NUDT16: variants seen among roughly 807,000 people sequenced by gnomAD.
The protein encoded by NUDT16 is U8 snoRNA-decapping enzyme.
In NUDT16, 12 loss-of-function variants were observed where a neutral mutation model predicts 11.7. The ratio of observed to expected loss-of-function variants is 1.03; its 90% CI spans 0.66 to 1.67. NUDT16 has a LOEUF of 1.67. Ranked by LOEUF, NUDT16 falls within the 40% of genes most tolerant of loss-of-function variation. The pLI is 0.00. For missense variants in NUDT16, 303 were observed against 268.9 expected, an observed-to-expected ratio of 1.13 and a Z score of -0.89; for synonymous variants, 129 against 122.6, an observed-to-expected ratio of 1.05 and a Z score of -0.35.
At chr3:131,382,657 A>G in intron 2 of NUDT16, 1 of 1,452,064 alleles carries the variant, frequency 6.9e-7, no homozygotes, top group South Asian at 1.4e-5. Flanking sequence ...TTTCTTGTGT[A>G]GGAGATGTGG....
In NUDT16 at chr3:131,383,932, T is replaced by G. The variant is rs16836573; in HGVS notation, c.*591T>G. On this transcript the variant is annotated 3_prime_UTR_variant, in exon 3 of 3. Transcript: ENST00000521288. This position sits in a 1 kb window ranked among gnomAD's most constrained non-coding sequence, Gnocchi z 4.4. ...CCCAACCAATCCCCAATCCTTTTCT[T>G]CTGAAACTGAGCAGGAAGGGTAAGG... 0.017 allele frequency: 2,940 copies of G among 169,810 alleles called. 44 individuals are homozygous for G. Among genetic ancestry groups the G allele is most frequent in the East Asian group, 0.079 (464 of 5,908 alleles). The allele number at this position is 169,810 out of a possible 1,614,324, so 10.5% of individuals were successfully genotyped here. A position where few individuals can be genotyped will look rare whatever the true frequency, so the allele number is the denominator to read the frequency against.
intron 2 of NUDT16, chr3:131,382,682 G>A (rs1332633603): frequency 6.9e-7 from 1 of 1,439,166 alleles, no homozygotes; most frequent in African/African-American, 1.4e-5. Flanking sequence ...GATATTTCAG[G>A]CAGGGCTAGT....
rs2097460111 is a variant in NUDT16, at chr3:131,386,667, A to ATT, written c.*3326_*3327insTT. 1 of 152,230 alleles carries ATT rather than the reference A, an allele frequency of 6.6e-6. No individual in the cohort carries two copies. Among genetic ancestry groups the ATT allele is most frequent in the African/African-American group, 2.4e-5 (1 of 41,440 alleles). The allele number at this position is 152,230 out of a possible 1,614,324, so 9.4% of individuals were successfully genotyped here. A position where few individuals can be genotyped will look rare whatever the true frequency, so the allele number is the denominator to read the frequency against. On this transcript the variant is annotated 3_prime_UTR_variant, in exon 3 of 3. Transcript: ENST00000521288. ...ACAAACACGTGTTTCTGCCTTTCTC[A>ATT]GCATAATCAGCAAGATGTTCCCACT...
upstream of NUDT16, chr3:131,381,706 T>C: frequency 7.6e-7 from 1 of 1,311,330 alleles, no homozygotes; most frequent in Non-Finnish European, 1.0e-6. Context: ...CCTGCAGGGA[T>C]TGGGCCTTGC....
Position 131,383,331 on chromosome 3 carries a change from C to T in NUDT16, c.578C>T (p.Ala193Val). Residue 193 changes from alanine (A) to valine (V), a missense_variant, in exon 3 of 3, where the codon GCT (alanine) becomes GTT (valine). Ala to Val is a moderately conservative substitution (Grantham distance 64, BLOSUM62 0). Coordinates refer to ENST00000521288, the MANE Select transcript of NUDT16 (RefSeq NM_152395.3). This position sits in a 1 kb window ranked among gnomAD's most constrained non-coding sequence, Gnocchi z 4.4. ...SGSISGLKIP[A>V]HH The stretch of plus-strand genomic sequence containing the variant: ...TCTATTTCAGGCCTTAAGATTCCAG[C>T]TCATCACTAGAGGCAGCCCTCCATG... 4 of 1,614,112 alleles carry T rather than the reference C, an allele frequency of 2.5e-6. No homozygotes were observed. Among genetic ancestry groups the T allele is most frequent in the South Asian group, 1.1e-5 (1 of 91,076 alleles).
At position 131,384,591 on chromosome 3, in the gene NUDT16, G is replaced by C. The variant is rs765100482; in HGVS notation, c.*1250G>C. On this transcript the variant is annotated 3_prime_UTR_variant, in exon 3 of 3. Transcript: ENST00000521288. ...AAAGAGGAGGACCCCTGAAGGAGCA[G>C]AGTCCATGAGAAAGAAGGAGGGATG... is the stretch of plus-strand genomic sequence containing the variant. 6.6e-6 allele frequency: 1 copy of C among 152,262 alleles called. No homozygotes were observed. Among genetic ancestry groups the C allele is most frequent in the African/African-American group, 2.4e-5 (1 of 41,426 alleles). The allele number at this position is 152,262 out of a possible 1,614,324, so 9.4% of individuals were successfully genotyped here. A position where few individuals can be genotyped will look rare whatever the true frequency, so the allele number is the denominator to read the frequency against.
rs2097458880 is a variant in NUDT16, at chr3:131,384,690, G to T, written c.*1349G>T. ...AAAACAGAAAGGGGCAAGTATAGAAGATTAGGATGACTAAATTAATGGGGA... is the reference window on the plus strand; with the variant it reads ...AAAACAGAAAGGGGCAAGTATAGAATATTAGGATGACTAAATTAATGGGGA... On this transcript the variant is annotated 3_prime_UTR_variant, in exon 3 of 3. Coordinates refer to ENST00000521288, the MANE Select transcript of NUDT16 (RefSeq NM_152395.3). 6.6e-6 allele frequency: 1 copy of T among 152,214 alleles called. No individual in the cohort carries two copies. Among genetic ancestry groups the T allele is most frequent in the African/African-American group, 2.4e-5 (1 of 41,442 alleles). 9.4% of individuals were successfully genotyped at this position (152,214 alleles called of 1,614,324 possible). A position where few individuals can be genotyped will look rare whatever the true frequency, so the allele number is the denominator to read the frequency against.
At chr3:131,382,021 CA>C (rs2097455731) in intron 1 of NUDT16, 24 bp from the exon 2 acceptor site, 1 of 1,577,204 alleles carries the variant, frequency 6.3e-7, no homozygotes, top group African/African-American at 1.4e-5. Context: ...GCGCCCCTGC[CA>C]ATCCCCGCTT....
rs576056720 is a variant in NUDT16 at position 131,383,512 on chromosome 3, T to C, written c.*171T>C. On this transcript the variant is annotated 3_prime_UTR_variant, in exon 3 of 3. Coordinates refer to ENST00000521288, the MANE Select transcript of NUDT16 (RefSeq NM_152395.3). This position sits in a 1 kb window ranked among gnomAD's most constrained non-coding sequence, Gnocchi z 4.4. Reference sequence around the variant, plus strand: ...TTTGAGCAGAGGACCCTCCAACTTATGGCATCAGGGGCAAAAAGTCACAGC... The same window carrying C: ...TTTGAGCAGAGGACCCTCCAACTTACGGCATCAGGGGCAAAAAGTCACAGC... The C allele has an allele frequency of 1.7e-5, 25 of 1,459,018 alleles. 1 individual carries two copies. The East Asian group carries it at 3.2e-4, about 19-fold the overall frequency. 90.4% of individuals were successfully genotyped at this position (1,459,018 alleles called of 1,614,324 possible).
intron 2 of NUDT16, 177 bp from the exon 3 acceptor site, chr3:131,382,985 A>G (rs1269376050): frequency 2.9e-6 from 2 of 680,492 alleles, no homozygotes; most frequent in Admixed American, 5.8e-5. Context: ...GCTAGATAAT[A>G]TGTTTTGGGT....
chr3:131,381,687 C>G (rs549295657), upstream of NUDT16: 80 of 1,173,074 alleles, frequency 6.8e-5, no homozygotes, highest in South Asian at 1.1e-3. Context: ...CTAGGTTCCT[C>G]CCCTTATCCC....
chr3:131,382,961 GATTA>G (rs2097457025), intron 2 of NUDT16, 197 bp from the exon 3 acceptor site: 1 of 635,056 alleles, frequency 1.6e-6, no homozygotes, highest in South Asian at 2.2e-5. Context: ...ATGTGGGAAA[GATTA>G]ATTGATAGAG....
Position 131,381,845 on chromosome 3 carries a change from C to G in NUDT16, c.41C>G (p.Ala14Gly). 6.3e-7 allele frequency: 1 copy of G among 1,594,790 alleles called. No homozygotes were observed. The highest frequency in any genetic ancestry group is 8.5e-7 in the Non-Finnish European group (1 of 1,175,818). ...ARRLELGEAL[A>G]LGSGWRHACH... ...AGGCTGGAGCTAGGCGAGGCCCTGGCGCTGGGGTCGGGCTGGCGTCATGCG... is the reference window on the plus strand; with the variant it reads ...AGGCTGGAGCTAGGCGAGGCCCTGGGGCTGGGGTCGGGCTGGCGTCATGCG... The change falls in exon 1 of 3, where the codon GCG becomes GGG. Residue 14 changes from alanine (A) to glycine (G), a missense_variant. Coordinates refer to ENST00000521288, the MANE Select transcript of NUDT16 (RefSeq NM_152395.3).
chr3:131,383,218 G>C lies in NUDT16; in HGVS notation c.465G>C (p.Leu155=). 2 of 1,614,026 alleles carry C rather than the reference G, an allele frequency of 1.2e-6. No individual in the cohort carries two copies. Among genetic ancestry groups the C allele is most frequent in the Non-Finnish European group, 1.7e-6 (2 of 1,180,030 alleles). Residue 155 remains leucine, a synonymous_variant, in exon 3 of 3, where the codon CTG becomes CTC. Transcript: ENST00000521288. This position sits in a 1 kb window ranked among gnomAD's most constrained non-coding sequence, Gnocchi z 4.4. ...LYTLRDGVGG[L]PTFLENSFIG... ...CCCTGCGGGATGGTGTAGGAGGCCT[G>C]CCTACCTTCCTGGAGAATTCCTTTA...
chr3:131,382,695 A>G, intron 2 of NUDT16: 1 of 1,431,776 alleles, frequency 7.0e-7, no homozygotes, highest in Non-Finnish European at 9.1e-7. Flanking sequence ...GGGCTAGTAG[A>G]TAGATTATGT....
At position 131,388,564 on chromosome 3, in the gene NUDT16, T is replaced by C. The variant is rs1582670856; in HGVS notation, c.*5223T>C. On this transcript the variant is annotated 3_prime_UTR_variant, in exon 3 of 3. Coordinates refer to ENST00000521288, the MANE Select transcript of NUDT16 (RefSeq NM_152395.3). Reference sequence around the variant, plus strand: ...TGACGTTTAAGTGCAAAAGCATGGATATTACTCATGCAGTTTTACTGGAAA... The same window carrying C: ...TGACGTTTAAGTGCAAAAGCATGGACATTACTCATGCAGTTTTACTGGAAA... The C allele has an allele frequency of 6.6e-6, 1 of 152,352 alleles. No homozygotes were observed. The highest frequency in any genetic ancestry group is 1.5e-5 in the Non-Finnish European group (1 of 68,036). The allele number at this position is 152,352 out of a possible 1,614,324, so 9.4% of individuals were successfully genotyped here. A position where few individuals can be genotyped will look rare whatever the true frequency, so the allele number is the denominator to read the frequency against.
chr3:131,387,444 A>T lies in NUDT16; in HGVS notation c.*4103A>T, dbSNP rs1298734825. ...TTTGGGAAGGACATAAAACAAGAAA[A>T]GGAAGCTCCTCACCAACAGCTCCCA... On this transcript the variant is annotated 3_prime_UTR_variant, in exon 3 of 3. Coordinates refer to ENST00000521288, the MANE Select transcript of NUDT16 (RefSeq NM_152395.3). The T allele has an allele frequency of 6.6e-6, 1 of 152,250 alleles. No individual in the cohort carries two copies. The highest frequency in any genetic ancestry group is 1.5e-5 in the Non-Finnish European group (1 of 68,062). 9.4% of individuals were successfully genotyped at this position (152,250 alleles called of 1,614,324 possible). A position where few individuals can be genotyped will look rare whatever the true frequency, so the allele number is the denominator to read the frequency against.
In NUDT16 at chr3:131,387,201, C is replaced by A. The variant is rs1232336651; in HGVS notation, c.*3860C>A. 2.6e-5 allele frequency: 4 copies of A among 152,152 alleles called. No homozygotes were observed. Among genetic ancestry groups the A allele is most frequent in the Non-Finnish European group, 5.9e-5 (4 of 68,108 alleles). The allele number at this position is 152,152 out of a possible 1,614,324, so 9.4% of individuals were successfully genotyped here. A position where few individuals can be genotyped will look rare whatever the true frequency, so the allele number is the denominator to read the frequency against. On this transcript the variant is annotated 3_prime_UTR_variant, in exon 3 of 3. Coordinates refer to ENST00000521288, the MANE Select transcript of NUDT16 (RefSeq NM_152395.3). ...CAGAGGAAAAAGGAAAAATGGGAAA[C>A]CCCCATGGACTTAGGGCCCCCACAA...
Position 131,383,611 on chromosome 3 carries a change from C to G in NUDT16, c.*270C>G, listed in dbSNP as rs543433733. 2.2e-5 allele frequency: 14 copies of G among 625,944 alleles called. No homozygotes were observed. The highest frequency in any genetic ancestry group is 2.9e-5 in the Admixed American group (1 of 34,116). 38.8% of individuals were successfully genotyped at this position (625,944 alleles called of 1,614,324 possible). A position where few individuals can be genotyped will look rare whatever the true frequency, so the allele number is the denominator to read the frequency against. On this transcript the variant is annotated 3_prime_UTR_variant, in exon 3 of 3. Transcript: ENST00000521288. This position sits in a 1 kb window ranked among gnomAD's most constrained non-coding sequence, Gnocchi z 4.4. ...TATATGCGTACAGCCTGGTAACCCC[C>G]AGGCATGCAAATATACAATCTGTAA...
Sources: allele counts gnomAD v4.1 joint callset, GRCh38; gene constraint gnomAD v4.1.1; non-coding constraint Gnocchi (gnomAD v3.1); transcripts MANE v1.5; gene names NCBI Gene and HGNC (gene_info 2026-07-23, HGNC 2026-07-21).